AARS1: variants seen among roughly 807,000 people sequenced by gnomAD.
AARS1 encodes the protein alanine--tRNA ligase, cytoplasmic.
AARS1 carries 72 observed loss-of-function variants against 108.9 expected under a neutral mutation model. The ratio of observed to expected loss-of-function variants is 0.66; its 90% CI spans 0.55 to 0.80. The LOEUF (loss-of-function observed/expected upper bound fraction) is 0.80. AARS1 is among the 30% of genes least tolerant of loss of function. The pLI, the probability that AARS1 is intolerant of heterozygous loss-of-function variation, is 0.00. For synonymous variants in AARS1, 489 were observed against 465.7 expected, an observed-to-expected ratio of 1.05 and a Z score of -0.64; for missense variants, 1,193 against 1,233.2, an observed-to-expected ratio of 0.97 and a Z score of 0.49.
In AARS1 at chr16:70,252,896, T is replaced by C. The variant is rs746822330; in HGVS notation, c.2732A>G (p.Asn911Ser). 5.8e-5 allele frequency: 94 copies of C among 1,613,922 alleles called. No homozygotes were observed. Among genetic ancestry groups the C allele is most frequent in the Admixed American group, 2.5e-4 (15 of 59,998 alleles). Residue 911 changes from asparagine (N) to serine (S), a missense_variant, in exon 21 of 21, where the codon AAT becomes AGT. Transcript: ENST00000261772. Reference sequence around the variant, plus strand: ...CCACTCGCTGGCTTTTAAGCCCCGATTGGCTGCATTCTAGAAGACAGGAAG... The same window carrying C: ...CCACTCGCTGGCTTTTAAGCCCCGACTGGCTGCATTCTAGAAGACAGGAAG... ...CLCQVPQNAA[N>S]RGLKASEWVQ...
intron 4 of AARS1, among the ~76,000 whole-genome samples, chr16:70,273,961 C>T (rs1383746226): frequency 6.6e-6 from 1 of 151,230 alleles, no homozygotes; most frequent in African/African-American, 2.4e-5. Context: ...CGCCTGAGCT[C>T]AGGCAGTAAA....
At chr16:70,263,299 C>T (rs1005651668) in intron 11 of AARS1, among the ~76,000 whole-genome samples, 20 of 152,154 alleles carry the variant, frequency 1.3e-4, no homozygotes, top group African/African-American at 4.3e-4. Context: ...CAGCCGGGCA[C>T]GGTGGCTCAC....
Position 70,267,685 on chromosome 16 carries a change from C to T in AARS1, c.1196G>A (p.Ser399Asn), listed in dbSNP as rs145258074. 1 of 1,614,030 alleles carries T rather than the reference C, an allele frequency of 6.2e-7. No individual in the cohort carries two copies. The highest frequency in any genetic ancestry group is 1.3e-5 in the African/African-American group (1 of 74,910). The part of the protein sequence containing the change: ...GRRILDRKIQ[S>N]LGDSKTIPGD... The stretch of plus-strand genomic sequence containing the variant: ...GGGAATGGTCTTGCTGTCTCCCAGG[C>T]TCTGAATTTTCCTGTCCAGGATGCG... Residue 399 changes from serine (S) to asparagine (N), a missense_variant, in exon 9 of 21, where the codon AGC becomes AAC. Coordinates refer to ENST00000261772, the MANE Select transcript of AARS1 (RefSeq NM_001605.3).
At chr16:70,273,510 G>A (rs889229592) in intron 4 of AARS1, among the ~76,000 whole-genome samples, 1 of 152,122 alleles carries the variant, frequency 6.6e-6, no homozygotes, top group Admixed American at 6.6e-5. Flanking sequence ...TTGAGCTCAG[G>A]AGTTCAAGAT....
intron 1 of AARS1, among the ~76,000 whole-genome samples, chr16:70,287,371 C>T (rs1466407749): frequency 1.5e-5 from 2 of 130,614 alleles, no homozygotes; most frequent in Admixed American, 7.0e-5. Flanking sequence ...GTGGCTGCAG[C>T]GAGCCGAGAT....
chr16:70,261,738 C>T (rs1250326057), intron 12 of AARS1, among the ~76,000 whole-genome samples: 3 of 146,360 alleles, frequency 2.0e-5, no homozygotes, highest in African/African-American at 5.2e-5. Flanking sequence ...GGCGCAATCT[C>T]GGCTCACTGC....
chr16:70,262,704 T>TC (rs1960163598), intron 11 of AARS1, among the ~76,000 whole-genome samples, 180 bp from the exon 12 acceptor site: 1 of 151,284 alleles, frequency 6.6e-6, no homozygotes, highest in Non-Finnish European at 1.5e-5. Context: ...GCGCGGTGGC[T>TC]CCCCCTATAA....
At chr16:70,279,881 G>A (rs1012648845) in intron 2 of AARS1, among the ~76,000 whole-genome samples, 2 of 151,744 alleles carry the variant, frequency 1.3e-5, no homozygotes, top group African/African-American at 4.8e-5. Flanking sequence ...ACACATAACT[G>A]AAAATATTTT....
intron 11 of AARS1, among the ~76,000 whole-genome samples, chr16:70,263,632 ATTTATT>A (rs796314178): frequency 2.6e-5 from 4 of 151,962 alleles, no homozygotes; most frequent in Non-Finnish European, 5.9e-5. Flanking sequence ...TGTATTGCCA[ATTTATT>A]TTTATGTTTT....
chr16:70,255,743 A>C lies in AARS1; in HGVS notation c.2271T>G (p.Gly757=), dbSNP rs1190869208. 1 of 1,614,020 alleles carries C rather than the reference A, an allele frequency of 6.2e-7. No homozygotes were observed. The highest frequency in any genetic ancestry group is 8.5e-7 in the Non-Finnish European group (1 of 1,180,028). ...KGIRRIVAVT[G]AEAQKALRKA... ...ACCTGCTCACCTTCTGGGCCTCGGC[A>C]CCTGTGACAGCCACAATCCTCCGGA... The change falls in exon 16 of 21, where the codon GGT becomes GGG. Residue 757 remains glycine, a synonymous_variant. Coordinates refer to ENST00000261772, the MANE Select transcript of AARS1 (RefSeq NM_001605.3).
chr16:70,258,879 G>T, intron 14 of AARS1, 101 bp downstream of exon 14: 2 of 1,361,680 alleles, frequency 1.5e-6, no homozygotes, highest in Admixed American at 1.7e-5. Context: ...CTACGTGCAG[G>T]ACGAATCTGA....
intron 4 of AARS1, among the ~76,000 whole-genome samples, chr16:70,274,134 G>C (rs1384458181): frequency 1.4e-5 from 2 of 147,248 alleles, no homozygotes; most frequent in African/African-American, 5.0e-5. Flanking sequence ...TCAGGAGTTC[G>C]AGACCAGCCT....
intron 14 of AARS1, among the ~76,000 whole-genome samples, chr16:70,258,768 G>A (rs1960059056): frequency 6.6e-6 from 1 of 152,140 alleles, no homozygotes; most frequent in South Asian, 2.1e-4. Context: ...GGTTAGCCAG[G>A]ATGGTCTCAA....
At chr16:70,287,095 CA>C (rs1222074978) in intron 1 of AARS1, among the ~76,000 whole-genome samples, 1 of 151,236 alleles carries the variant, frequency 6.6e-6, no homozygotes, top group Non-Finnish European at 1.5e-5. Flanking sequence ...ACTAAAAATA[CA>C]AAAAATTAGC....
chr16:70,255,893 G>T, intron 15 of AARS1, 57 bp from the exon 16 acceptor site: 1 of 1,508,778 alleles, frequency 6.6e-7, no homozygotes, highest in Non-Finnish European at 9.1e-7. Context: ...CCTTGGCTGG[G>T]GGGTCACACT....
chr16:70,253,348 G>A lies in AARS1; in HGVS notation c.2641C>T (p.His881Tyr). The change falls in exon 20 of 21, where the codon CAC becomes TAC. Residue 881 changes from histidine to tyrosine, a missense_variant. Physicochemically the swap from His to Tyr is moderately conservative, Grantham distance 83. Transcript: ENST00000261772. ...AGCATGGCAGAAGTCTGAGGGGAGT[G>A]CATCTTGAAGAGCTTCAAGGCTTCA... The part of the protein sequence containing the change: ...LNEALKLFKM[H>Y]SPQTSAMLFT... The A allele has an allele frequency of 3.1e-6, 5 of 1,614,128 alleles. No individual in the cohort carries two copies. The highest frequency in any genetic ancestry group is 2.5e-6 in the Non-Finnish European group (3 of 1,179,980).
At chr16:70,257,957 TG>T in intron 15 of AARS1, 75 bp downstream of exon 15, 1 of 1,523,812 alleles carries the variant, frequency 6.6e-7, no homozygotes. Context: ...AGACAAGAGT[TG>T]GTCCAGCCTA....
intron 16 of AARS1, 86 bp from the exon 17 acceptor site, chr16:70,254,820 C>A (rs964494078): frequency 3.3e-6 from 3 of 899,186 alleles, no homozygotes; most frequent in Middle Eastern, 2.7e-4. Flanking sequence ...GAAGCCCCGG[C>A]GGTAGGCCTT....
rs111412304 is a variant in AARS1, at chr16:70,266,332, A to T, written c.1223-670T>A. Among the ~76,000 whole-genome samples, 1,320 of 150,664 alleles carry T rather than the reference A, an allele frequency of 8.8e-3. 20 individuals are homozygous for T. Among genetic ancestry groups the T allele is most frequent in the African/African-American group, 0.028 (1,159 of 41,098 alleles). On this transcript the variant is annotated intron_variant, in intron 9 of 20. Transcript: ENST00000261772. ...CTGTCTCAAAAATAAAAAATAAAAA[A>T]AAATAAATAAAAAAATTGCCAGGCG...
Sources: gnomAD v4.1 joint callset for allele counts (sites outside exome capture counted in the v4.1 genomes callset) on GRCh38, gnomAD v4.1.1 for gene constraint, MANE v1.5 for transcripts, NCBI Gene and HGNC (gene_info 2026-07-23, HGNC 2026-07-21) for gene names.